Variants in CRTC3 observed in about 807,000 individuals in gnomAD.
CRTC3 encodes CREB regulated transcription coactivator 3.
CRTC3 carries 26 observed loss-of-function variants against 74.5 expected under a neutral mutation model. The observed-to-expected ratio is 0.35, with a 90% confidence interval of 0.26 to 0.48. The LOEUF (loss-of-function observed/expected upper bound fraction) is 0.48. Among genes scored for constraint, CRTC3 ranks in the 20% least tolerant of loss-of-function variants. The pLI, the probability that CRTC3 is intolerant of heterozygous loss-of-function variation, is 0.99. For missense variants in CRTC3, 760 were observed against 787.3 expected, an observed-to-expected ratio of 0.97 and a Z score of 0.41; for synonymous variants, 377 against 325.8, an observed-to-expected ratio of 1.16 and a Z score of -1.69.
At chr15:90,604,074 C>T (rs1249109862) in intron 4 of CRTC3, among the ~76,000 whole-genome samples, 1 of 152,096 alleles carries the variant, frequency 6.6e-6, no homozygotes, top group Admixed American at 6.5e-5. Flanking sequence ...AAAATTTTTG[C>T]ATCCAAGATT....
At chr15:90,599,331 C>CCGCTGGCA (rs1372954659) in intron 3 of CRTC3, 2 of 152,212 alleles carry the variant, frequency 1.3e-5, no homozygotes, top group African/African-American at 4.8e-5. Context: ...TGCTGCCCTT[C>CCGCTGGCA]CGCTGGCACG....
chr15:90,581,853 A>C (rs1286159152), intron 2 of CRTC3, among the ~76,000 whole-genome samples: 1 of 152,166 alleles, frequency 6.6e-6, no homozygotes, highest in Non-Finnish European at 1.5e-5. Flanking sequence ...GTGGGGGTGA[A>C]AGGAGGGAGT....
chr15:90,603,685 A>T (rs1968144064), intron 4 of CRTC3, among the ~76,000 whole-genome samples: 1 of 152,188 alleles, frequency 6.6e-6, no homozygotes, highest in Admixed American at 6.5e-5. Context: ...GGACACATTT[A>T]AAATGTGTGT....
chr15:90,567,691 A>AAAATAAATAAATAAATAAATAAAT lies in CRTC3; in HGVS notation c.232-25941_232-25918dup, dbSNP rs143830684. On this transcript the variant is annotated intron_variant, in intron 2 of 14. Transcript: ENST00000268184. Reference sequence around the variant, plus strand: ...CAACAAGAGTGAAACTCCGTCTCAAAAAATAAATAAATAAATAAATAAATA... The same window carrying AAAATAAATAAATAAATAAATAAAT: ...CAACAAGAGTGAAACTCCGTCTCAAAAAATAAATAAATAAATAAATAAATAAATAAATAAATAAATAAATAAATA... 4.7e-3 allele frequency among the ~76,000 whole-genome samples: 679 copies of AAAATAAATAAATAAATAAATAAAT among 145,656 alleles called. 9 individuals carry two copies. Among genetic ancestry groups the AAAATAAATAAATAAATAAATAAAT allele is most frequent in the East Asian group, 0.01 (52 of 4,982 alleles).
At chr15:90,636,887 TAA>T (rs1969258126) in intron 11 of CRTC3, among the ~76,000 whole-genome samples, 1 of 152,104 alleles carries the variant, frequency 6.6e-6, no homozygotes, top group Non-Finnish European at 1.5e-5. Flanking sequence ...TGGCAATCAT[TAA>T]AAAGTCAGGA....
At chr15:90,578,287 C>G (rs1967454063) in intron 2 of CRTC3, among the ~76,000 whole-genome samples, 1 of 152,086 alleles carries the variant, frequency 6.6e-6, no homozygotes, top group South Asian at 2.1e-4. Flanking sequence ...TGGCTCAGCC[C>G]TGTAATCCCA....
In CRTC3 at chr15:90,645,094, C is replaced by G. The variant is rs1354070092; in HGVS notation, c.*2954C>G. 2 of 230,146 alleles carry G rather than the reference C, an allele frequency of 8.7e-6. No individual in the cohort carries two copies. The highest frequency in any genetic ancestry group is 8.6e-6 in the Non-Finnish European group (1 of 116,082). The allele number at this position is 230,146 out of a possible 1,614,324, so 14.3% of individuals were successfully genotyped here. On this transcript the variant is annotated 3_prime_UTR_variant, in exon 15 of 15. Coordinates refer to ENST00000268184, the MANE Select transcript of CRTC3 (RefSeq NM_022769.5). Reference sequence around the variant, plus strand: ...ATCTTCAAGTCCATATGCGTATTTGCAGACCTTTCCTGTTCCCACTCTTGT... The same window carrying G: ...ATCTTCAAGTCCATATGCGTATTTGGAGACCTTTCCTGTTCCCACTCTTGT...
At chr15:90,540,202 TA>T in intron 2 of CRTC3, 65 bp downstream of exon 2, 2 of 1,117,728 alleles carry the variant, frequency 1.8e-6, no homozygotes, top group South Asian at 2.7e-5. Flanking sequence ...AGATTATCAC[TA>T]AAAAGATGAG....
At chr15:90,633,210 T>C (rs1350216846) in intron 11 of CRTC3, among the ~76,000 whole-genome samples, 1 of 151,956 alleles carries the variant, frequency 6.6e-6, no homozygotes. Flanking sequence ...AATAAATGTC[T>C]GACTTTTTTT....
At chr15:90,606,689 AAAT>A (rs1352037573) in intron 5 of CRTC3, 1 of 152,240 alleles carries the variant, frequency 6.6e-6, no homozygotes, top group African/African-American at 2.4e-5. Flanking sequence ...TGAATTAAAA[AAAT>A]AATAAGCCCA....
At chr15:90,608,225 C>T (rs1968275737) in intron 6 of CRTC3, among the ~76,000 whole-genome samples, 1 of 152,184 alleles carries the variant, frequency 6.6e-6, no homozygotes, top group Non-Finnish European at 1.5e-5. Flanking sequence ...GCTCTGCTTC[C>T]AGAGCGAACC....
rs777118343 is a variant in CRTC3 at position 90,530,099 on chromosome 15, G to A, written c.28G>A (p.Ala10Thr). 4 of 1,448,134 alleles carry A rather than the reference G, an allele frequency of 2.8e-6. No homozygotes were observed. The highest frequency in any genetic ancestry group is 4.1e-5 in the Admixed American group (2 of 48,806). 89.7% of individuals were successfully genotyped at this position (1,448,134 alleles called of 1,614,324 possible). The stretch of plus-strand genomic sequence containing the variant: ...GGCCGCCTCGCCGGGCTCGGGCAGC[G>A]CCAACCCGCGGAAGTTCAGTGAGAA... Reference protein sequence around the residue: MAASPGSGSANPRKFSEKIA... With the variant: MAASPGSGSTNPRKFSEKIA... Residue 10 changes from alanine (A) to threonine (T), a missense_variant, in exon 1 of 15, where the codon GCC becomes ACC. Ala to Thr is a moderately conservative substitution (Grantham distance 58). Around this residue, in one of 2 missense-constraint regions of CRTC3, gnomAD observed 108 missense variants for 152.1 expected, o/e 0.71. Transcript: ENST00000268184. The surrounding 1 kb of genome is among the most constrained non-coding windows in gnomAD (Gnocchi z 6.2).
chr15:90,574,449 G>C (rs1282453715), intron 2 of CRTC3, among the ~76,000 whole-genome samples: 1 of 152,172 alleles, frequency 6.6e-6, no homozygotes, highest in Admixed American at 6.5e-5. Context: ...CTGTACTCTA[G>C]CCTGGTGACA....
chr15:90,540,582 G>A (rs1002941337), intron 2 of CRTC3, among the ~76,000 whole-genome samples: 2 of 152,036 alleles, frequency 1.3e-5, no homozygotes, highest in African/African-American at 2.4e-5. Context: ...AGACCAGCCC[G>A]GTCAACATGG....
chr15:90,626,611 CTTTTTTT>C (rs922457681), intron 10 of CRTC3, among the ~76,000 whole-genome samples: 12 of 133,424 alleles, frequency 9.0e-5, no homozygotes, highest in Non-Finnish European at 1.9e-4. Flanking sequence ...AAGCCTGACA[CTTTTTTT>C]TTTTTTTTTT....
At chr15:90,531,763 T>A (rs982757085) in intron 1 of CRTC3, among the ~76,000 whole-genome samples, 1 of 152,150 alleles carries the variant, frequency 6.6e-6, no homozygotes, top group Non-Finnish European at 1.5e-5. Context: ...TATGTGTTTT[T>A]AAATACATAC....
intron 9 of CRTC3, among the ~76,000 whole-genome samples, chr15:90,623,956 T>C (rs950734844): frequency 3.3e-5 from 5 of 152,212 alleles, no homozygotes; most frequent in Non-Finnish European, 7.3e-5. Flanking sequence ...ACCTGAGTTC[T>C]TTAGCCTTTA....
chr15:90,632,386 C>T (rs912046411), intron 11 of CRTC3, among the ~76,000 whole-genome samples: 6 of 151,872 alleles, frequency 4.0e-5, no homozygotes, highest in African/African-American at 9.7e-5. Context: ...GCTTAAGGCC[C>T]GGAGTTCAAG....
intron 2 of CRTC3, among the ~76,000 whole-genome samples, chr15:90,557,288 C>G (rs542473414): frequency 1.2e-3 from 183 of 152,276 alleles, no homozygotes; most frequent in Non-Finnish European, 2.4e-3. Context: ...CCCTCACAGT[C>G]TAGGAGCAGC....
Sources: allele counts gnomAD v4.1 joint callset (sites outside exome capture counted in the v4.1 genomes callset), GRCh38; gene constraint gnomAD v4.1.1; regional missense constraint gnomAD v4.1.1; non-coding constraint Gnocchi (gnomAD v3.1); transcripts MANE v1.5; gene names NCBI Gene and HGNC (gene_info 2026-07-23, HGNC 2026-07-21).